Variants in WDR49 observed in about 807,000 individuals in gnomAD.
The protein encoded by WDR49 is cilia- and flagella-associated protein 337.
WDR49 carries 107 observed loss-of-function variants against 119.5 expected under a neutral mutation model. The observed-to-expected ratio is 0.90, with a 90% confidence interval of 0.77 to 1.05. WDR49 has a LOEUF of 1.05. Among genes scored for constraint, WDR49 ranks in the 50% least tolerant of loss-of-function variants. The pLI is 0.00. For missense variants in WDR49, 1,240 were observed against 1,220.5 expected (o/e 1.02, Z -0.24); for synonymous variants, 425 against 418.8 (o/e 1.01, Z -0.18).
chr3:167,536,505 C>G (rs1051867510), intron 11 of WDR49, among the ~76,000 whole-genome samples: 1 of 151,460 alleles, frequency 6.6e-6, no homozygotes, highest in African/African-American at 2.4e-5. Context: ...ATGGCAAAAA[C>G]CCATCTCTAC....
At chr3:167,550,126 G>A (rs1190441314) in intron 10 of WDR49, among the ~76,000 whole-genome samples, 1 of 152,114 alleles carries the variant, frequency 6.6e-6, no homozygotes, top group African/African-American at 2.4e-5. Context: ...GTCAGGTAGT[G>A]TGATGCCTCC....
chr3:167,635,441 C>A (rs1414523655), intron 2 of WDR49, among the ~76,000 whole-genome samples: 1 of 151,628 alleles, frequency 6.6e-6, no homozygotes, highest in Non-Finnish European at 1.5e-5. Context: ...AAATATATTT[C>A]TAAAGCAGAC....
intron 2 of WDR49, among the ~76,000 whole-genome samples, chr3:167,631,408 A>C (rs888885052): frequency 3.9e-5 from 6 of 152,078 alleles, no homozygotes; most frequent in Non-Finnish European, 8.8e-5. Flanking sequence ...TTCTGCTTGG[A>C]ATGTACACAT....
intron 7 of WDR49, among the ~76,000 whole-genome samples, chr3:167,576,759 CA>C (rs1246819720): frequency 1.3e-5 from 2 of 152,116 alleles, no homozygotes; most frequent in East Asian, 3.9e-4. Context: ...TTCCAACCTA[CA>C]GAACACAAAA....
In WDR49 at chr3:167,604,376, G is replaced by A. The variant is rs146804108; in HGVS notation, c.1051C>T (p.Arg351Cys). The change falls in exon 6 of 19, where the codon CGT becomes TGT. Residue 351 changes from arginine (R) to cysteine (C), a missense_variant. By Grantham distance (180) the Arg-to-Cys change is radical. Coordinates refer to ENST00000682715, the MANE Select transcript of WDR49 (RefSeq NM_001366157.1). ...VMAWREKSKK[R>C]LNMTSFNIAQ... The stretch of plus-strand genomic sequence containing the variant: ...ATGTTGAAGGATGTCATATTAAGAC[G>A]CTTTTTTGATTTCTCTCTCCAAGCC... 1.7e-3 allele frequency: 2,690 copies of A among 1,613,666 alleles called. 2 individuals are homozygous for A. The highest frequency in any genetic ancestry group is 2.1e-3 in the Non-Finnish European group (2,449 of 1,179,834).
chr3:167,529,149 T>C lies in WDR49; in HGVS notation c.2309A>G (p.His770Arg). 1 of 1,612,402 alleles carries C rather than the reference T, an allele frequency of 6.2e-7. No homozygotes were observed. Among genetic ancestry groups the C allele is most frequent in the South Asian group, 1.1e-5 (1 of 90,900 alleles). Reference sequence around the variant, plus strand: ...CATAATAATCGATCCAACTCCACTATGAGCCAAAAATTCAGCCAGAAGTTG... The same window carrying C: ...CATAATAATCGATCCAACTCCACTACGAGCCAAAAATTCAGCCAGAAGTTG... ...KKQLLAEFLA[H>R]SGVGSIIMST... The change falls in exon 14 of 19, where the codon CAT (histidine) becomes CGT (arginine). Residue 770 changes from histidine (H) to arginine (R), a missense_variant. By Grantham distance (29) the His-to-Arg change is conservative. Transcript: ENST00000682715.
intron 5 of WDR49, among the ~76,000 whole-genome samples, chr3:167,610,359 T>G (rs999264587): frequency 6.6e-6 from 1 of 152,156 alleles, no homozygotes; most frequent in Non-Finnish European, 1.5e-5. Context: ...CAAGCTGACT[T>G]AAGAAACAGT....
rs1293931023 is a variant in WDR49 at position 167,612,437 on chromosome 3, AAAAC to A, written c.959-7973_959-7970del. On this transcript the variant is annotated intron_variant, in intron 5 of 18. Transcript: ENST00000682715. ...CTTAAAGAACTAGAAAAGCAAGAAT[AAAAC>A]AAACCCAAAATTAGTAGAAGAAAAG... 5.9e-5 allele frequency among the ~76,000 whole-genome samples: 9 copies of A among 152,090 alleles called. No homozygotes were observed. The South Asian group carries it at 1.9e-3, about 31-fold the overall frequency.
intron 6 of WDR49, 68 bp from the exon 7 acceptor site, chr3:167,602,343 A>C (rs1334969705): frequency 1.5e-6 from 2 of 1,360,940 alleles, no homozygotes; most frequent in Non-Finnish European, 2.0e-6. Context: ...TTTCTTTGTG[A>C]AATGAGTTTA....
rs775275091 is a variant in WDR49, at chr3:167,602,129, T to C, written c.1273A>G (p.Lys425Glu). The C allele has an allele frequency of 1.3e-6, 2 of 1,593,230 alleles. No homozygotes were observed. Among genetic ancestry groups the C allele is most frequent in the Admixed American group, 3.4e-5 (2 of 59,620 alleles). Reference sequence around the variant, plus strand: ...ATTAAAAGCACAATGTTACTTACTTTATCCTTGGAGAAGCTGAAAAGTTGT... The same window carrying C: ...ATTAAAAGCACAATGTTACTTACTTCATCCTTGGAGAAGCTGAAAAGTTGT... ...RKQLFSFSKD[K>E]VLRLWDIQHQ... Residue 425 changes from lysine to glutamate, a missense_variant and splice_region_variant, in exon 7 of 19, where the codon AAA becomes GAA. By Grantham distance (56) the Lys-to-Glu change is moderately conservative (BLOSUM62 1). Transcript: ENST00000682715.
At position 167,641,171 on chromosome 3, in the gene WDR49, C is replaced by T. The variant is rs577605632; in HGVS notation, c.165+12090G>A. Reference sequence around the variant, plus strand: ...TTTCCAATATTATGGCATAAGGGTTCGAGCCAATGATTCCATATCTCCAAG... The same window carrying T: ...TTTCCAATATTATGGCATAAGGGTTTGAGCCAATGATTCCATATCTCCAAG... On this transcript the variant is annotated intron_variant, in intron 2 of 18. Coordinates refer to ENST00000682715, the MANE Select transcript of WDR49 (RefSeq NM_001366157.1). Among the ~76,000 whole-genome samples, 15 of 151,904 alleles carry T rather than the reference C, an allele frequency of 9.9e-5. No individual in the cohort carries two copies. The South Asian group carries it at 1.2e-3, about 13-fold the overall frequency.
intron 10 of WDR49, among the ~76,000 whole-genome samples, chr3:167,539,326 C>T (rs1354276391): frequency 6.6e-6 from 1 of 152,026 alleles, no homozygotes; most frequent in Non-Finnish European, 1.5e-5. Flanking sequence ...CTCTAGGTAC[C>T]TCTTATATTT....
chr3:167,540,613 A>C (rs1316419974), intron 10 of WDR49, among the ~76,000 whole-genome samples: 2 of 152,150 alleles, frequency 1.3e-5, no homozygotes, highest in African/African-American at 2.4e-5. Flanking sequence ...GAATCAGAAA[A>C]GTAATTCTGG....
At chr3:167,483,765 G>T (rs1453568395) in intron 18 of WDR49, among the ~76,000 whole-genome samples, 1 of 151,964 alleles carries the variant, frequency 6.6e-6, no homozygotes, top group Admixed American at 6.5e-5. Context: ...TTGTAACCTT[G>T]CTTCTGCTCT....
chr3:167,525,921 C>T (rs1752613884), intron 15 of WDR49, among the ~76,000 whole-genome samples: 2 of 151,582 alleles, frequency 1.3e-5, no homozygotes, highest in African/African-American at 2.4e-5. Context: ...TTCCCTTTCC[C>T]CTCCTTTCTG....
chr3:167,627,042 T>C lies in WDR49; in HGVS notation c.416A>G (p.His139Arg), dbSNP rs990434608. 1.5e-6 allele frequency: 2 copies of C among 1,319,506 alleles called. No individual in the cohort carries two copies. Among genetic ancestry groups the C allele is most frequent in the African/African-American group, 1.5e-5 (1 of 66,564 alleles). 81.7% of individuals were successfully genotyped at this position (1,319,506 alleles called of 1,614,324 possible). A position where few individuals can be genotyped will look rare whatever the true frequency, so the allele number is the denominator to read the frequency against. Reference protein sequence around the residue: ...WKDLEFLPVKHKDTIQKVIFL... With the variant: ...WKDLEFLPVKRKDTIQKVIFL... ...AATTACTTTTTGAATGGTGTCCTTG[T>C]GTTTTACTGGGAGGAATTCAAGGTC... The change falls in exon 3 of 19, where the codon CAC becomes CGC. Residue 139 changes from histidine to arginine, a missense_variant. His to Arg is a conservative substitution (Grantham distance 29). Coordinates refer to ENST00000682715, the MANE Select transcript of WDR49 (RefSeq NM_001366157.1).
At chr3:167,560,267 C>G (rs776129974) in intron 8 of WDR49, 39 bp from the exon 9 acceptor site, 1 of 1,572,806 alleles carries the variant, frequency 6.4e-7, no homozygotes, top group East Asian at 2.3e-5. Context: ...TAAATATAGT[C>G]TCAGAATCAA....
At chr3:167,581,189 AATAATG>A (rs1013641869) in intron 7 of WDR49, among the ~76,000 whole-genome samples, 1 of 152,184 alleles carries the variant, frequency 6.6e-6, no homozygotes, top group African/African-American at 2.4e-5. Context: ...TAGCTTTTCA[AATAATG>A]ATAATGACAT....
At chr3:167,529,379 T>A in intron 13 of WDR49, 140 bp from the exon 14 acceptor site, 2 of 675,860 alleles carry the variant, frequency 3.0e-6, no homozygotes, top group South Asian at 2.8e-5. Flanking sequence ...ACCACTTTAA[T>A]TTTCTCAAAT....
Sources: allele counts gnomAD v4.1 joint callset (sites outside exome capture counted in the v4.1 genomes callset), GRCh38; gene constraint gnomAD v4.1.1; transcripts MANE v1.5; gene names NCBI Gene and HGNC (gene_info 2026-07-23, HGNC 2026-07-21).